LRMDA: variants seen among roughly 807,000 people sequenced by gnomAD.
LRMDA encodes the protein leucine rich melanocyte differentiation associated, also known as leucine-rich melanocyte differentiation-associated protein.
A neutral mutation model predicts 29.8 loss-of-function variants in LRMDA; 18 were observed. The observed-to-expected ratio is 0.60, with a 90% CI of 0.42 to 0.90. The LOEUF (loss-of-function observed/expected upper bound fraction) is 0.90. Ranked by LOEUF, LRMDA falls within the 40% of genes least tolerant of loss-of-function variation. LRMDA has a pLI of 0.00. For missense variants in LRMDA, 273 were observed against 273.9 expected, an observed-to-expected ratio of 1.00 and a Z score of 0.02; for synonymous variants, 125 against 109.4, an observed-to-expected ratio of 1.14 and a Z score of -0.89.
intron 2 of LRMDA, among the ~76,000 whole-genome samples, chr10:75,500,578 CA>C (rs1303060369): frequency 6.6e-6 from 1 of 151,940 alleles, no homozygotes; most frequent in Admixed American, 6.6e-5. Context: ...CACACTGCTA[CA>C]AAAAAAGATG....
At chr10:76,535,140 TTG>T (rs1454990440) in intron 6 of LRMDA, among the ~76,000 whole-genome samples, 4 of 152,280 alleles carry the variant, frequency 2.6e-5, no homozygotes, top group Admixed American at 1.3e-4. Flanking sequence ...CAGTAAATAG[TTG>T]TGTCATGTAA....
chr10:76,544,180 G>A (rs779044723), intron 6 of LRMDA, among the ~76,000 whole-genome samples: 1 of 152,172 alleles, frequency 6.6e-6, no homozygotes, highest in Non-Finnish European at 1.5e-5. Context: ...TGTCTACGCT[G>A]TTAATTTGTG....
chr10:75,815,578 C>T (rs1272342697), intron 2 of LRMDA, among the ~76,000 whole-genome samples: 1 of 151,896 alleles, frequency 6.6e-6, no homozygotes, highest in Non-Finnish European at 1.5e-5. Context: ...TATGGTAAAC[C>T]CTAAAGCCTT....
At chr10:75,673,571 C>T (rs899248016) in intron 2 of LRMDA, among the ~76,000 whole-genome samples, 1 of 152,138 alleles carries the variant, frequency 6.6e-6, no homozygotes, top group African/African-American at 2.4e-5. Flanking sequence ...TTGGGCTAAA[C>T]GTGGATATAA....
chr10:75,566,953 C>A (rs913099708), intron 2 of LRMDA, among the ~76,000 whole-genome samples: 2 of 152,190 alleles, frequency 1.3e-5, no homozygotes, highest in African/African-American at 4.8e-5. Flanking sequence ...TGGTCAGTGA[C>A]TTCCCCTTCC....
chr10:75,678,745 T>A (rs1841990140), intron 2 of LRMDA, among the ~76,000 whole-genome samples: 1 of 152,206 alleles, frequency 6.6e-6, no homozygotes, highest in African/African-American at 2.4e-5. Flanking sequence ...GTCATTTTAC[T>A]TCCAGTAAGT....
At chr10:75,891,071 C>T (rs1845480111) in intron 2 of LRMDA, among the ~76,000 whole-genome samples, 1 of 151,280 alleles carries the variant, frequency 6.6e-6, no homozygotes, top group South Asian at 2.1e-4. Flanking sequence ...CACCACCGCA[C>T]TCCAGCCTGG....
chr10:75,671,554 C>G (rs1381147072), intron 2 of LRMDA, among the ~76,000 whole-genome samples: 1 of 152,166 alleles, frequency 6.6e-6, no homozygotes, highest in Non-Finnish European at 1.5e-5. Flanking sequence ...CCAAACACCA[C>G]ATGTTCTCAC....
chr10:76,521,516 TC>T (rs1843121251), intron 6 of LRMDA, among the ~76,000 whole-genome samples: 1 of 152,244 alleles, frequency 6.6e-6, no homozygotes, highest in Non-Finnish European at 1.5e-5. Flanking sequence ...TTACTACCTG[TC>T]CCTTATCATA....
chr10:76,382,434 A>C (rs1419573167), intron 6 of LRMDA, among the ~76,000 whole-genome samples: 2 of 152,230 alleles, frequency 1.3e-5, no homozygotes, highest in Non-Finnish European at 2.9e-5. Flanking sequence ...GAAGCAGAGC[A>C]CAGACATGCT....
chr10:75,725,299 A>G (rs1842618319), intron 2 of LRMDA, among the ~76,000 whole-genome samples: 1 of 152,134 alleles, frequency 6.6e-6, no homozygotes, highest in Non-Finnish European at 1.5e-5. Flanking sequence ...CCACTACTGG[A>G]TCAAAATGGA....
chr10:76,432,592 A>C (rs1360178412), intron 6 of LRMDA, among the ~76,000 whole-genome samples: 1 of 152,182 alleles, frequency 6.6e-6, no homozygotes, highest in Non-Finnish European at 1.5e-5. Flanking sequence ...ATTTTTATCC[A>C]TTCAATACAC....
chr10:75,671,118 C>T (rs1007125550), intron 2 of LRMDA, among the ~76,000 whole-genome samples: 6 of 152,162 alleles, frequency 3.9e-5, no homozygotes, highest in African/African-American at 1.4e-4. Context: ...GCTGGGAATG[C>T]ATTCTCAAAT....
intron 6 of LRMDA, among the ~76,000 whole-genome samples, chr10:76,344,443 G>A (rs1841078448): frequency 6.6e-6 from 1 of 151,970 alleles, no homozygotes; most frequent in Non-Finnish European, 1.5e-5. Context: ...GAAAACTCAA[G>A]ATCATAAATA....
At chr10:75,815,010 C>T (rs888951876) in intron 2 of LRMDA, among the ~76,000 whole-genome samples, 1 of 152,130 alleles carries the variant, frequency 6.6e-6, no homozygotes, top group Non-Finnish European at 1.5e-5. Flanking sequence ...ATTGGTTTTC[C>T]AAGTAGAGGA....
chr10:76,506,203 A>G (rs1842958101), intron 6 of LRMDA, among the ~76,000 whole-genome samples: 1 of 152,024 alleles, frequency 6.6e-6, no homozygotes, highest in Admixed American at 6.6e-5. Context: ...GTGCTTCCTG[A>G]CTGTGTCCAG....
intron 2 of LRMDA, among the ~76,000 whole-genome samples, chr10:75,736,650 A>G (rs954204143): frequency 1.3e-5 from 2 of 152,228 alleles, no homozygotes; most frequent in African/African-American, 4.8e-5. Context: ...GAATTTACAG[A>G]AACAAAGACC....
At chr10:75,686,634 A>G (rs1307456728) in intron 2 of LRMDA, among the ~76,000 whole-genome samples, 2 of 152,114 alleles carry the variant, frequency 1.3e-5, no homozygotes, top group Admixed American at 6.6e-5. Context: ...TGGTACCCCT[A>G]TAGTTGTTTG....
chr10:75,764,432 G>C (rs1309628611), intron 2 of LRMDA, among the ~76,000 whole-genome samples: 1 of 152,146 alleles, frequency 6.6e-6, no homozygotes, highest in Non-Finnish European at 1.5e-5. Flanking sequence ...TGAGTTCATA[G>C]AGCCCCCAGT....
Sources: allele counts gnomAD v4.1 joint callset (sites outside exome capture counted in the v4.1 genomes callset), GRCh38; gene constraint gnomAD v4.1.1; transcripts MANE v1.5; gene names NCBI Gene and HGNC (gene_info 2026-07-23, HGNC 2026-07-21).